The following GRIK4 variants were observed in gnomAD, a reference collection of about 807,000 sequenced individuals.
The protein encoded by GRIK4 is glutamate ionotropic receptor kainate type subunit 4.
A neutral mutation model predicts 104.9 loss-of-function variants in GRIK4; 40 were observed. That is an observed-to-expected ratio of 0.38 (90% CI 0.30 to 0.50). GRIK4 has a LOEUF of 0.50. GRIK4 is among the 20% of genes least tolerant of loss of function. The pLI, the probability that GRIK4 is intolerant of heterozygous loss-of-function variation, is 0.93. For missense variants in GRIK4, 1,047 were observed against 1,308.1 expected (o/e 0.80, Z 3.08); for synonymous variants, 485 against 524.9 (o/e 0.92, Z 1.04).
intron 3 of GRIK4, among the ~76,000 whole-genome samples, chr11:120,767,378 A>G (rs1055796474): frequency 6.6e-6 from 1 of 152,116 alleles, no homozygotes; most frequent in Non-Finnish European, 1.5e-5. Flanking sequence ...TCCTTTGCCC[A>G]TTTTTAAATT....
At chr11:120,727,297 A>G (rs963405796) in intron 3 of GRIK4, among the ~76,000 whole-genome samples, 1 of 152,204 alleles carries the variant, frequency 6.6e-6, no homozygotes, top group African/African-American at 2.4e-5. Context: ...TAGAAATTGA[A>G]CAGGGTGAGG....
intron 3 of GRIK4, among the ~76,000 whole-genome samples, chr11:120,748,188 C>G (rs1289318822): frequency 6.6e-6 from 1 of 151,968 alleles, no homozygotes; most frequent in Non-Finnish European, 1.5e-5. Context: ...ACAGGTTAAA[C>G]CCTCCTCTCT....
At chr11:120,614,762 G>A (rs1027206139) in intron 1 of GRIK4, among the ~76,000 whole-genome samples, 2 of 152,224 alleles carry the variant, frequency 1.3e-5, no homozygotes, top group Non-Finnish European at 2.9e-5. Context: ...CACTTTGGGA[G>A]GCCAAGGCGG....
intron 3 of GRIK4, among the ~76,000 whole-genome samples, chr11:120,760,097 T>C (rs1267844811): frequency 1.3e-5 from 2 of 151,942 alleles, no homozygotes; most frequent in African/African-American, 4.8e-5. Context: ...TCATCCTACA[T>C]ACCTGCCATT....
chr11:120,986,335 G>T lies in GRIK4; in HGVS notation c.*75G>T. ...GGCGGGGCGGGCGCTGCTGTCAGCCGCCAGCCGGAACTTGTACAGCGTCGA... is the reference window on the plus strand; with the variant it reads ...GGCGGGGCGGGCGCTGCTGTCAGCCTCCAGCCGGAACTTGTACAGCGTCGA... On this transcript the variant is annotated 3_prime_UTR_variant, in exon 21 of 21. Coordinates refer to ENST00000527524, the MANE Select transcript of GRIK4 (RefSeq NM_014619.5). 1.4e-6 allele frequency: 2 copies of T among 1,403,798 alleles called. No homozygotes were observed. The highest frequency in any genetic ancestry group is 9.2e-7 in the Non-Finnish European group (1 of 1,081,724). The allele number at this position is 1,403,798 out of a possible 1,614,324, so 87.0% of individuals were successfully genotyped here.
rs1178820486 is a variant in GRIK4 at position 120,862,022 on chromosome 11, A to G, written c.808A>G (p.Ile270Val). ...DDRVNILGFSIFNQSHAFFQE... is the reference protein window; with the variant it reads ...DDRVNILGFSVFNQSHAFFQE... The stretch of plus-strand genomic sequence containing the variant: ...TCGTGTCAACATCCTGGGATTTTCC[A>G]TTTTCAACCAATCCCATGCTTTCTT... The change falls in exon 9 of 21, where the codon ATT becomes GTT. Residue 270 changes from isoleucine (I) to valine (V), a missense_variant. Coordinates refer to ENST00000527524, the MANE Select transcript of GRIK4 (RefSeq NM_014619.5). The G allele has an allele frequency of 3.1e-6, 5 of 1,613,812 alleles. No individual in the cohort carries two copies. In the Admixed American group the frequency reaches 6.7e-5, roughly 22 times the overall value.
intron 1 of GRIK4, among the ~76,000 whole-genome samples, chr11:120,616,273 G>C (rs1949112416): frequency 6.6e-6 from 1 of 152,090 alleles, no homozygotes; most frequent in African/African-American, 2.4e-5. Context: ...CCTGTAGAAT[G>C]GGCCATGATG....
chr11:120,831,256 C>T (rs1953420332), intron 6 of GRIK4, among the ~76,000 whole-genome samples: 2 of 152,180 alleles, frequency 1.3e-5, no homozygotes, highest in Non-Finnish European at 2.9e-5. Context: ...ATTGCTCCTC[C>T]ACCTCCAAAA....
chr11:120,952,750 T>C lies in GRIK4; in HGVS notation c.1591-105T>C, dbSNP rs1259295347. 3.8e-6 allele frequency: 3 copies of C among 791,104 alleles called. No individual in the cohort carries two copies. The highest frequency in any genetic ancestry group is 6.8e-6 in the Non-Finnish European group (3 of 440,426). 49.0% of individuals were successfully genotyped at this position (791,104 alleles called of 1,614,324 possible). On this transcript the variant is annotated intron_variant, in intron 14 of 20. Transcript: ENST00000527524. This position sits in a 1 kb window ranked among gnomAD's most constrained non-coding sequence, Gnocchi z 5.2. ...ACCCAGAACCCACAGAAATGGGAAC[T>C]GGGGCCAGACCCACACTCACTACCT...
At chr11:120,694,216 A>G (rs867152238) in intron 3 of GRIK4, among the ~76,000 whole-genome samples, 25 of 152,196 alleles carry the variant, frequency 1.6e-4, no homozygotes, top group African/African-American at 5.8e-4. Context: ...ACGAGAGCAG[A>G]TGAAATTATT....
rs1016314066 is a variant in GRIK4 at position 120,962,379 on chromosome 11, A to C, written c.2041-77A>C. ...CAGAAGGGCCGGCATCTTAAGGTGC[A>C]CTTTGATTCCCTCTCTTTTTAAGCC... On this transcript the variant is annotated intron_variant, in intron 17 of 20. Coordinates refer to ENST00000527524, the MANE Select transcript of GRIK4 (RefSeq NM_014619.5). 8 of 941,550 alleles carry C rather than the reference A, an allele frequency of 8.5e-6. No homozygotes were observed. The South Asian group carries it at 1.1e-4, about 13-fold the overall frequency. The allele number at this position is 941,550 out of a possible 1,614,324, so 58.3% of individuals were successfully genotyped here.
chr11:120,814,792 G>A (rs985856307), intron 4 of GRIK4, among the ~76,000 whole-genome samples: 15 of 152,182 alleles, frequency 9.9e-5, no homozygotes, highest in Non-Finnish European at 2.2e-4. Flanking sequence ...AACGACGGGG[G>A]CATTGACAGA....
intron 3 of GRIK4, among the ~76,000 whole-genome samples, chr11:120,732,189 T>C (rs1951143190): frequency 6.6e-6 from 1 of 152,244 alleles, no homozygotes; most frequent in Admixed American, 6.5e-5. Flanking sequence ...TGCAGTGCAG[T>C]GGTGCATTCT....
At chr11:120,717,867 T>A (rs1470538039) in intron 3 of GRIK4, among the ~76,000 whole-genome samples, 1 of 152,092 alleles carries the variant, frequency 6.6e-6, no homozygotes, top group East Asian at 1.9e-4. Flanking sequence ...TTAGGCCTCC[T>A]GGAGGCTGAG....
At chr11:120,668,302 GAAAA>G (rs1221792398) in intron 3 of GRIK4, among the ~76,000 whole-genome samples, 2 of 128,362 alleles carry the variant, frequency 1.6e-5, no homozygotes, top group Admixed American at 8.3e-5. Flanking sequence ...AAAGAAAAAA[GAAAA>G]GAAAAGAAGA....
intron 19 of GRIK4, among the ~76,000 whole-genome samples, chr11:120,969,582 C>T (rs1944440173): frequency 6.6e-6 from 1 of 152,116 alleles, no homozygotes; most frequent in Non-Finnish European, 1.5e-5. Context: ...AAAGAAGACA[C>T]ATGGATTGGA....
Position 120,849,722 on chromosome 11 carries a change from A to G in GRIK4, c.745-12237A>G, listed in dbSNP as rs557141477. On this transcript the variant is annotated intron_variant, in intron 8 of 20. Coordinates refer to ENST00000527524, the MANE Select transcript of GRIK4 (RefSeq NM_014619.5). Reference sequence around the variant, plus strand: ...TGGCAGATGTGAGAATCTGCTTTTTACCTCCCAGTCTACATCTTGTACTTG... The same window carrying G: ...TGGCAGATGTGAGAATCTGCTTTTTGCCTCCCAGTCTACATCTTGTACTTG... Among the ~76,000 whole-genome samples, 33 of 152,262 alleles carry G rather than the reference A, an allele frequency of 2.2e-4. No individual in the cohort carries two copies. In the East Asian group the frequency reaches 6.0e-3, roughly 28 times the overall value.
At chr11:120,965,449 G>A (rs190337520) in intron 18 of GRIK4, among the ~76,000 whole-genome samples, 65 of 152,332 alleles carry the variant, frequency 4.3e-4, no homozygotes, top group African/African-American at 1.5e-3. Flanking sequence ...CTCTGCTGGT[G>A]TTTGCCCATA....
At chr11:120,909,655 G>A (rs1347640634) in intron 13 of GRIK4, among the ~76,000 whole-genome samples, 4 of 152,250 alleles carry the variant, frequency 2.6e-5, no homozygotes, top group East Asian at 1.9e-4. Flanking sequence ...AACTGCAGCA[G>A]AAGCAATGAA....
Sources: gnomAD v4.1 joint callset for allele counts (sites outside exome capture counted in the v4.1 genomes callset) on GRCh38, gnomAD v4.1.1 for gene constraint, Gnocchi (gnomAD v3.1) non-coding constraint, MANE v1.5 for transcripts, NCBI Gene and HGNC (gene_info 2026-07-23, HGNC 2026-07-21) for gene names.